Variants in DSE observed in about 807,000 individuals in gnomAD.
DSE encodes the protein dermatan-sulfate epimerase.
In DSE, 36 loss-of-function variants were observed where a neutral mutation model predicts 84.4. That is an observed-to-expected ratio of 0.43 (90% CI 0.33 to 0.56). DSE has a LOEUF of 0.56. Ranked by LOEUF, DSE falls within the 20% of genes least tolerant of loss-of-function variation. The pLI is 0.06. For missense variants in DSE, 862 were observed against 1,169.6 expected (o/e 0.74, Z 3.84); for synonymous variants, 410 against 430.1 (o/e 0.95, Z 0.58).
intron 1 of DSE, among the ~76,000 whole-genome samples, chr6:116,371,498 G>C (rs1044995088): frequency 6.6e-6 from 1 of 152,212 alleles, no homozygotes; most frequent in Non-Finnish European, 1.5e-5. Flanking sequence ...TTGGGGCCTC[G>C]GCTTCACTCT....
At chr6:116,283,458 T>C (rs929933780) in intron 2 of DSE, among the ~76,000 whole-genome samples, 1 of 152,242 alleles carries the variant, frequency 6.6e-6, no homozygotes, top group Admixed American at 6.5e-5. Flanking sequence ...TCTCATGGGA[T>C]GGGAGCATAG....
chr6:116,258,440 T>C (rs1772239705), intron 1 of DSE: 2 of 795,950 alleles, frequency 2.5e-6, no homozygotes, highest in East Asian at 5.0e-5. Flanking sequence ...TTGCTTTTTT[T>C]GGTAGGGCTG....
chr6:116,270,123 C>T (rs1174797616), intron 2 of DSE, among the ~76,000 whole-genome samples: 2 of 152,122 alleles, frequency 1.3e-5, no homozygotes, highest in African/African-American at 4.8e-5. Flanking sequence ...TATGATTACA[C>T]CTTGTAAACA....
rs1208811972 is a variant in DSE, at chr6:116,308,178, AC to A, written c.-54+49213del. ...TATTTCTCCTGTTGACTATTAGACA[AC>A]CTGGTTGCTTCCACTTACTATTTAT... is the stretch of plus-strand genomic sequence containing the variant. On this transcript the variant is annotated intron_variant, in intron 2 of 3. Transcript: ENST00000430252. 2.0e-5 allele frequency among the ~76,000 whole-genome samples: 3 copies of A among 152,304 alleles called. No individual in the cohort carries two copies. In the East Asian group the frequency reaches 5.8e-4, roughly 29 times the overall value.
intron 1 of DSE, among the ~76,000 whole-genome samples, chr6:116,396,724 G>A (rs1174736742): frequency 6.6e-6 from 1 of 152,110 alleles, no homozygotes. Context: ...AAGCAATGTG[G>A]CAGAAGTGGC....
At chr6:116,345,507 C>T (rs1164651011) in intron 2 of DSE, among the ~76,000 whole-genome samples, 1 of 152,156 alleles carries the variant, frequency 6.6e-6, no homozygotes, top group African/African-American at 2.4e-5. Flanking sequence ...ATAACCTGCT[C>T]CTGAATGACT....
chr6:116,257,549 A>G (rs1362929893), intron 1 of DSE, among the ~76,000 whole-genome samples: 1 of 152,224 alleles, frequency 6.6e-6, no homozygotes, highest in Non-Finnish European at 1.5e-5. Flanking sequence ...GCTTGTAAAC[A>G]GTAACTTACT....
intron 2 of DSE, chr6:116,278,888 G>A: frequency 6.2e-7 from 1 of 1,614,048 alleles, no homozygotes; most frequent in East Asian, 2.2e-5. Flanking sequence ...CCGGTTCTAG[G>A]GTGTCTGAGT....
chr6:116,298,360 A>C (rs1774795181), intron 2 of DSE, among the ~76,000 whole-genome samples: 1 of 152,236 alleles, frequency 6.6e-6, no homozygotes, highest in South Asian at 2.1e-4. Context: ...TAGATTAGTC[A>C]AGTGAGCCCA....
At chr6:116,310,461 T>C (rs1413862651) in intron 2 of DSE, among the ~76,000 whole-genome samples, 1 of 152,182 alleles carries the variant, frequency 6.6e-6, no homozygotes, top group Non-Finnish European at 1.5e-5. Flanking sequence ...TTTCAACTCT[T>C]ACTATGTCCT....
At chr6:116,352,857 G>A (rs554355892) in intron 2 of DSE, among the ~76,000 whole-genome samples, 19 of 152,226 alleles carry the variant, frequency 1.2e-4, no homozygotes, top group Non-Finnish European at 2.4e-4. Context: ...CCCACCCCAC[G>A]TACATGCCCC....
intron 1 of DSE, among the ~76,000 whole-genome samples, chr6:116,397,841 G>T (rs1781357441): frequency 6.6e-6 from 1 of 152,240 alleles, no homozygotes; most frequent in Admixed American, 6.5e-5. Context: ...CACTGCCATC[G>T]AGTTTCATAT....
chr6:116,388,771 A>G (rs1780716207), intron 1 of DSE, among the ~76,000 whole-genome samples: 2 of 152,094 alleles, frequency 1.3e-5, no homozygotes, highest in African/African-American at 2.4e-5. Flanking sequence ...TGTTTTTATT[A>G]GTATGGTGAA....
intron 1 of DSE, chr6:116,257,191 G>A (rs536164651): frequency 6.6e-6 from 1 of 152,230 alleles, no homozygotes; most frequent in Non-Finnish European, 1.5e-5. Context: ...GTGCTTAAAT[G>A]TGTATCTCAT....
intron 2 of DSE, among the ~76,000 whole-genome samples, chr6:116,287,207 A>T (rs940529866): frequency 1.3e-5 from 2 of 152,124 alleles, no homozygotes; most frequent in Non-Finnish European, 2.9e-5. Flanking sequence ...TTGCATCATC[A>T]AAACACTTGA....
intron 1 of DSE, among the ~76,000 whole-genome samples, chr6:116,394,700 A>G (rs2082700852): frequency 6.6e-6 from 1 of 152,090 alleles, no homozygotes; most frequent in African/African-American, 2.4e-5. Context: ...CTCCTACCTC[A>G]TAGATTTAAG....
intron 2 of DSE, among the ~76,000 whole-genome samples, chr6:116,331,103 C>T (rs1038522319): frequency 2.6e-4 from 40 of 151,896 alleles, no homozygotes; most frequent in Admixed American, 6.6e-4. Flanking sequence ...TTTGGGCAAA[C>T]GAAGAATAGA....
upstream of DSE, chr6:116,370,525 T>C: frequency 1.0e-6 from 1 of 985,500 alleles, no homozygotes; most frequent in South Asian, 4.7e-5. Flanking sequence ...TCTTCCTCGC[T>C]TTCCTCTCGC....
chr6:116,396,398 T>C (rs1184203329), intron 1 of DSE, among the ~76,000 whole-genome samples: 1 of 152,210 alleles, frequency 6.6e-6, no homozygotes, highest in Non-Finnish European at 1.5e-5. Context: ...GGGAAGGTAG[T>C]ACACCATTTG....
Sources: gnomAD v4.1 joint callset for allele counts (sites outside exome capture counted in the v4.1 genomes callset) on GRCh38, gnomAD v4.1.1 for gene constraint, MANE v1.5 for transcripts, NCBI Gene and HGNC (gene_info 2026-07-23, HGNC 2026-07-21) for gene names.